Variants in BCAS3 observed in about 807,000 individuals in gnomAD.
BCAS3 encodes BCAS4/BCAS3 fusion.
Under a neutral mutation model 116.1 loss-of-function variants are expected in BCAS3, and 53 were observed. The ratio of observed to expected loss-of-function variants is 0.46; its 90% CI spans 0.37 to 0.57. The LOEUF is 0.57. Among genes scored for constraint, BCAS3 ranks in the 20% least tolerant of loss-of-function variants. The pLI, the probability that BCAS3 is intolerant of heterozygous loss-of-function variation, is 0.00. For missense variants in BCAS3, 917 were observed against 1,165.4 expected, an observed-to-expected ratio of 0.79 and a Z score of 3.10; for synonymous variants, 391 against 408.2, an observed-to-expected ratio of 0.96 and a Z score of 0.51.
At chr17:60,696,900 T>TGA (rs1488037879) in intron 4 of BCAS3, among the ~76,000 whole-genome samples, 1 of 152,082 alleles carries the variant, frequency 6.6e-6, no homozygotes, top group Non-Finnish European at 1.5e-5. Flanking sequence ...AAAAATGACT[T>TGA]GAAAGGCTGG....
intron 14 of BCAS3, among the ~76,000 whole-genome samples, chr17:60,973,542 C>T (rs553521382): frequency 1.2e-4 from 18 of 150,874 alleles, no homozygotes; most frequent in African/African-American, 4.4e-4. Flanking sequence ...CGTCAGTGCT[C>T]TCTGCCCTGC....
intron 16 of BCAS3, among the ~76,000 whole-genome samples, chr17:61,031,459 C>T (rs1052723061): frequency 8.6e-5 from 13 of 152,032 alleles, no homozygotes; most frequent in Admixed American, 6.6e-4. Flanking sequence ...GGATGAAGGG[C>T]AGATTGAACC....
chr17:60,982,884 C>T (rs944804362), intron 14 of BCAS3, among the ~76,000 whole-genome samples: 2 of 152,114 alleles, frequency 1.3e-5, no homozygotes, highest in Non-Finnish European at 1.5e-5. Flanking sequence ...AAAAAAACCT[C>T]CACTTCTCTC....
At chr17:60,864,314 C>T (rs749602603) in intron 7 of BCAS3, among the ~76,000 whole-genome samples, 17 of 152,216 alleles carry the variant, frequency 1.1e-4, no homozygotes, top group Non-Finnish European at 2.5e-4. Context: ...GTCGATTAAA[C>T]TGCCATTGTG....
At chr17:60,817,303 G>T (rs932547054) in intron 7 of BCAS3, among the ~76,000 whole-genome samples, 3 of 152,198 alleles carry the variant, frequency 2.0e-5, no homozygotes, top group African/African-American at 7.2e-5. Flanking sequence ...GTGTAATAAT[G>T]TGAGAGAGGG....
chr17:60,721,111 C>T (rs2039193309), intron 5 of BCAS3, among the ~76,000 whole-genome samples: 1 of 151,960 alleles, frequency 6.6e-6, no homozygotes, highest in African/African-American at 2.4e-5. Flanking sequence ...GGTTGGGTGC[C>T]AATAGACCTT....
chr17:61,090,799 A>G (rs1031831417), intron 22 of BCAS3, among the ~76,000 whole-genome samples: 3 of 152,148 alleles, frequency 2.0e-5, no homozygotes, highest in Non-Finnish European at 4.4e-5. Flanking sequence ...CTGGGATTAC[A>G]GGCATGTGCC....
chr17:61,170,947 G>A (rs1194644803), intron 22 of BCAS3, among the ~76,000 whole-genome samples: 1 of 152,212 alleles, frequency 6.6e-6, no homozygotes, highest in Non-Finnish European at 1.5e-5. Context: ...AAAGATCAGA[G>A]GGAACATTCG....
At chr17:60,846,068 G>A (rs2052503461) in intron 7 of BCAS3, among the ~76,000 whole-genome samples, 1 of 151,742 alleles carries the variant, frequency 6.6e-6, no homozygotes, top group Admixed American at 6.6e-5. Flanking sequence ...AGCTGGGACC[G>A]TAGACATGTA....
intron 22 of BCAS3, among the ~76,000 whole-genome samples, chr17:61,210,652 T>C (rs530268642): frequency 4.6e-5 from 7 of 152,298 alleles, no homozygotes; most frequent in African/African-American, 1.7e-4. Context: ...TTGTCAGTAA[T>C]AGTGAACTGC....
In BCAS3 at chr17:61,217,254, G is replaced by C. The variant is rs919588597; in HGVS notation, c.2425+132690G>C. Among the ~76,000 whole-genome samples the C allele has an allele frequency of 6.6e-6, 1 of 152,158 alleles. No homozygotes were observed. Among genetic ancestry groups the C allele is most frequent in the South Asian group, 2.1e-4 (1 of 4,832 alleles). On this transcript the variant is annotated intron_variant, in intron 22 of 23. Coordinates refer to ENST00000407086, the MANE Select transcript of BCAS3 (RefSeq NM_017679.5). The surrounding 1 kb of genome is among the most constrained non-coding windows in gnomAD (Gnocchi z 5.2). ...GCTGAGATCGTGCCACTGCACTCCA[G>C]CCTGAGTGACAGAGCAAGACTCCAT...
At chr17:60,884,429 G>A (rs1032398539) in intron 9 of BCAS3, among the ~76,000 whole-genome samples, 1 of 103,814 alleles carries the variant, frequency 9.6e-6, no homozygotes, top group Non-Finnish European at 1.9e-5. Context: ...AGGGTTTTTT[G>A]TGTCTCTATT....
chr17:60,932,235 T>A (rs1352599016), intron 13 of BCAS3, among the ~76,000 whole-genome samples: 2 of 152,188 alleles, frequency 1.3e-5, no homozygotes, highest in African/African-American at 4.8e-5. Flanking sequence ...GGTAAGCTTT[T>A]GTTAATATTT....
At chr17:61,042,887 C>G (rs990106236) in intron 19 of BCAS3, among the ~76,000 whole-genome samples, 2 of 82,260 alleles carry the variant, frequency 2.4e-5, no homozygotes, top group African/African-American at 2.3e-4. Context: ...AAGACTCCAT[C>G]TCACAAAAAA....
At chr17:60,860,513 T>C (rs1315321237) in intron 7 of BCAS3, among the ~76,000 whole-genome samples, 1 of 152,250 alleles carries the variant, frequency 6.6e-6, no homozygotes, top group Non-Finnish European at 1.5e-5. Flanking sequence ...TTGCAATTGT[T>C]GGGATTGCTT....
chr17:61,267,729 A>G (rs1323744958), intron 22 of BCAS3, among the ~76,000 whole-genome samples: 3 of 151,574 alleles, frequency 2.0e-5, no homozygotes, highest in Non-Finnish European at 4.4e-5. Context: ...CTCCAGAAAA[A>G]AAAAAAAAGA....
rs1341535614 is a variant in BCAS3 at position 61,122,568 on chromosome 17, G to A, written c.2425+38004G>A. 6.6e-6 allele frequency among the ~76,000 whole-genome samples: 1 copy of A among 152,148 alleles called. No individual in the cohort carries two copies. The highest frequency in any genetic ancestry group is 2.4e-5 in the African/African-American group (1 of 41,432). On this transcript the variant is annotated intron_variant, in intron 22 of 23. Transcript: ENST00000407086. The surrounding 1 kb of genome is among the most constrained non-coding windows in gnomAD (Gnocchi z 4.6). Reference sequence around the variant, plus strand: ...AGCCCCGTGTGAGCATTAGTACTCAGGAATGTGATGTGGATTCGAGATGAT... The same window carrying A: ...AGCCCCGTGTGAGCATTAGTACTCAAGAATGTGATGTGGATTCGAGATGAT...
In BCAS3 at chr17:61,276,217, G is replaced by A. The variant is rs979236472; in HGVS notation, c.2426-92110G>A. Among the ~76,000 whole-genome samples, 5 of 152,108 alleles carry A rather than the reference G, an allele frequency of 3.3e-5. No homozygotes were observed. The highest frequency in any genetic ancestry group is 1.2e-4 in the African/African-American group (5 of 41,428). ...TACATTAAAAAATTAGCCAGGCATG[G>A]TGGTGAGCACCTGTAATCCCAGCTA... On this transcript the variant is annotated intron_variant, in intron 22 of 23. Transcript: ENST00000407086. This position sits in a 1 kb window ranked among gnomAD's most constrained non-coding sequence, Gnocchi z 4.2.
chr17:60,717,996 C>T (rs2144070320), intron 5 of BCAS3, among the ~76,000 whole-genome samples: 1 of 152,326 alleles, frequency 6.6e-6, no homozygotes, highest in Non-Finnish European at 1.5e-5. Context: ...ATAAGGAGCA[C>T]ACAATCTAGA....
Sources: gnomAD v4.1 joint callset for allele counts (sites outside exome capture counted in the v4.1 genomes callset) on GRCh38, gnomAD v4.1.1 for gene constraint, Gnocchi (gnomAD v3.1) non-coding constraint, MANE v1.5 for transcripts, NCBI Gene and HGNC (gene_info 2026-07-23, HGNC 2026-07-21) for gene names.